Variants in ACTR3 observed in about 807,000 individuals in gnomAD.
The protein encoded by ACTR3 is actin-related protein 3.
In ACTR3, 12 loss-of-function variants were observed where a neutral mutation model predicts 56.8. The observed-to-expected ratio is 0.21, with a 90% CI of 0.14 to 0.34. ACTR3 has a LOEUF of 0.34. ACTR3 is among the 10% of genes least tolerant of loss of function. The probability of loss-of-function intolerance (pLI) is 1.00; values close to 1 mark genes in which losing one functional copy is unlikely to be tolerated. For missense variants in ACTR3, 282 were observed against 512.5 expected, an observed-to-expected ratio of 0.55 and a Z score of 4.34; for synonymous variants, 162 against 167.4, an observed-to-expected ratio of 0.97 and a Z score of 0.25.
chr2:113,905,790 G>GT (rs1679181367), intron 1 of ACTR3, among the ~76,000 whole-genome samples: 4 of 152,140 alleles, frequency 2.6e-5, no homozygotes, highest in African/African-American at 9.7e-5. Context: ...TACTTATAAT[G>GT]TATTCAAGGT....
chr2:113,938,905 C>G (rs1679875211), intron 6 of ACTR3, among the ~76,000 whole-genome samples: 1 of 152,170 alleles, frequency 6.6e-6, no homozygotes, highest in Admixed American at 6.5e-5. Flanking sequence ...ATTGTTGTGG[C>G]CTAGTAACTC....
intron 1 of ACTR3, chr2:113,890,531 G>A (rs1678867318): frequency 1.8e-5 from 25 of 1,365,034 alleles, no homozygotes; most frequent in Non-Finnish European, 2.4e-5. Context: ...CGGGGGCGCG[G>A]GCCCGAGATT....
At chr2:113,946,262 C>T (rs552169127) in intron 8 of ACTR3, among the ~76,000 whole-genome samples, 6 of 152,006 alleles carry the variant, frequency 3.9e-5, no homozygotes, top group African/African-American at 1.2e-4. Context: ...AGAGTATAAG[C>T]GTTTCTTTTT....
In ACTR3 at chr2:113,946,745, A is replaced by G. The variant is rs150441653; in HGVS notation, c.858+4386A>G. ...ATTTTTTGCTTTTGCCATCTTCATC[A>G]TGGAATCTTTGCCCATACCCGTGTC... On this transcript the variant is annotated intron_variant, in intron 8 of 11. Transcript: ENST00000263238. 3.9e-5 allele frequency among the ~76,000 whole-genome samples: 6 copies of G among 152,252 alleles called. No individual in the cohort carries two copies. The East Asian group carries it at 5.8e-4, about 15-fold the overall frequency.
Position 113,916,873 on chromosome 2 carries a change from T to TTCC in ACTR3, c.101-10_101-9insCCT. On this transcript the variant is annotated splice_polypyrimidine_tract_variant and intron_variant, in intron 2 of 11. Coordinates refer to ENST00000263238, the MANE Select transcript of ACTR3 (RefSeq NM_005721.5). ...AAATGAATTCTTTGACATGTCTAACTTATTTTAAAGGTATTGCTATTAAGG... is the reference window on the plus strand; with the variant it reads ...AAATGAATTCTTTGACATGTCTAACTTCCTATTTTAAAGGTATTGCTATTAAGG... The TTCC allele has an allele frequency of 3.2e-6, 5 of 1,586,786 alleles. No individual in the cohort carries two copies. In the South Asian group the frequency reaches 5.8e-5, roughly 18 times the overall value.
rs1680312602 is a variant in ACTR3, at chr2:113,960,842, C to T, written c.*3387C>T. On this transcript the variant is annotated 3_prime_UTR_variant, in exon 12 of 12. Coordinates refer to ENST00000263238, the MANE Select transcript of ACTR3 (RefSeq NM_005721.5). The stretch of plus-strand genomic sequence containing the variant: ...TTAGCTGGTATAAATAATCCAAAAT[C>T]TGTGCAGACTCTGGGAGCAAAATGT... 1 of 151,990 alleles carries T rather than the reference C, an allele frequency of 6.6e-6. No individual in the cohort carries two copies. Among genetic ancestry groups the T allele is most frequent in the Admixed American group, 6.6e-5 (1 of 15,224 alleles). 9.4% of individuals were successfully genotyped at this position (151,990 alleles called of 1,614,324 possible). A position where few individuals can be genotyped will look rare whatever the true frequency, so the allele number is the denominator to read the frequency against.
chr2:113,937,692 A>G (rs1349140730), intron 6 of ACTR3, among the ~76,000 whole-genome samples: 1 of 152,194 alleles, frequency 6.6e-6, no homozygotes, highest in East Asian at 1.9e-4. Context: ...TGTTTCTGAA[A>G]ATAAGTCAGC....
intron 4 of ACTR3, 79 bp downstream of exon 4, chr2:113,927,534 A>G (rs1679643667): frequency 1.1e-6 from 1 of 917,660 alleles, no homozygotes; most frequent in East Asian, 2.5e-5. Context: ...CTTCTTTGGT[A>G]TACTTTGGTT....
At chr2:113,905,556 A>G (rs971603968) in intron 1 of ACTR3, among the ~76,000 whole-genome samples, 2 of 152,126 alleles carry the variant, frequency 1.3e-5, no homozygotes, top group Non-Finnish European at 2.9e-5. Context: ...GGCATAAAGT[A>G]CATTCACATT....
rs1480531985 is a variant in ACTR3 at position 113,959,796 on chromosome 2, A to G, written c.*2341A>G. On this transcript the variant is annotated 3_prime_UTR_variant, in exon 12 of 12. Transcript: ENST00000263238. ...TGATTAGATATCAAGCAACGTGAGCATGGTAGCAAAAGCACTAACTGAAGC... is the reference window on the plus strand; with the variant it reads ...TGATTAGATATCAAGCAACGTGAGCGTGGTAGCAAAAGCACTAACTGAAGC... The G allele has an allele frequency of 6.6e-6, 1 of 152,096 alleles. No homozygotes were observed. The highest frequency in any genetic ancestry group is 2.4e-5 in the African/African-American group (1 of 41,466). 9.4% of individuals were successfully genotyped at this position (152,096 alleles called of 1,614,324 possible).
At chr2:113,921,371 T>TACATCCTCTGGAAACA (rs1314637747) in intron 3 of ACTR3, among the ~76,000 whole-genome samples, 7 of 152,108 alleles carry the variant, frequency 4.6e-5, no homozygotes, top group South Asian at 2.1e-4. Context: ...ATTCTGGATG[T>TACATCCTCTGGAAACA]TAATCCTCTG....
chr2:113,909,954 G>A (rs143241414), intron 1 of ACTR3, among the ~76,000 whole-genome samples: 4 of 152,254 alleles, frequency 2.6e-5, no homozygotes, highest in South Asian at 2.1e-4. Context: ...GAGTTAGGCC[G>A]TTTGAAATTG....
At chr2:113,907,157 G>A (rs1275818298) in intron 1 of ACTR3, among the ~76,000 whole-genome samples, 3 of 152,146 alleles carry the variant, frequency 2.0e-5, no homozygotes, top group Non-Finnish European at 4.4e-5. Context: ...TTATTAGGAG[G>A]GAATGAGATC....
chr2:113,899,774 T>C (rs1522915), intron 1 of ACTR3, among the ~76,000 whole-genome samples: 8,865 of 152,248 alleles, frequency 0.058, 767 homozygotes, highest in African/African-American at 0.19. Context: ...CTGCATGATA[T>C]TTAATAATGC....
intron 3 of ACTR3, among the ~76,000 whole-genome samples, chr2:113,922,702 A>G (rs754320776): frequency 6.6e-6 from 1 of 152,226 alleles, no homozygotes; most frequent in South Asian, 2.1e-4. Flanking sequence ...AGGCAAGTTT[A>G]TGTTAGGGAT....
chr2:113,897,984 G>A, intron 1 of ACTR3, among the ~76,000 whole-genome samples: 1 of 152,130 alleles, frequency 6.6e-6, no homozygotes, highest in East Asian at 1.9e-4. Context: ...AAGGGTTTCT[G>A]TGCTTTTCAG....
At chr2:113,890,410 G>T in intron 1 of ACTR3, 87 bp downstream of exon 1, 2 of 1,383,440 alleles carry the variant, frequency 1.4e-6, no homozygotes, top group Non-Finnish European at 1.9e-6. Context: ...AATGAATGGT[G>T]CGGCGAGGTG....
rs192758148 is a variant in ACTR3 at position 113,942,880 on chromosome 2, C to T, written c.858+521C>T. The stretch of plus-strand genomic sequence containing the variant: ...ATACTTTTAATAATGGAAAATTCTT[C>T]TGGTAACTTAGTATCAGAATTGTAA... On this transcript the variant is annotated intron_variant, in intron 8 of 11. Coordinates refer to ENST00000263238, the MANE Select transcript of ACTR3 (RefSeq NM_005721.5). Among the ~76,000 whole-genome samples the T allele has an allele frequency of 6.2e-3, 940 of 152,176 alleles. 5 individuals carry two copies. Among genetic ancestry groups the T allele is most frequent in the Non-Finnish European group, 9.9e-3 (676 of 67,988 alleles).
intron 1 of ACTR3, among the ~76,000 whole-genome samples, chr2:113,891,998 T>C (rs1678913187): frequency 6.6e-6 from 1 of 152,236 alleles, no homozygotes; most frequent in Non-Finnish European, 1.5e-5. Context: ...TTCAAATGTG[T>C]TTTGTTAAAG....
Sources: gnomAD v4.1 joint callset for allele counts (sites outside exome capture counted in the v4.1 genomes callset) on GRCh38, gnomAD v4.1.1 for gene constraint, MANE v1.5 for transcripts, NCBI Gene and HGNC (gene_info 2026-07-23, HGNC 2026-07-21) for gene names.